Variants in SLC66A2 observed in about 807,000 individuals in gnomAD.
SLC66A2 encodes solute carrier family 66 member 2.
In SLC66A2, 23 loss-of-function variants were observed where a neutral mutation model predicts 25.5. The observed-to-expected ratio is 0.90, with a 90% confidence interval of 0.65 to 1.28. The LOEUF is 1.28. Among genes scored for constraint, SLC66A2 ranks in the 50% most tolerant of loss-of-function variants. The pLI is 0.00. For missense variants in SLC66A2, 396 were observed against 373.1 expected, an observed-to-expected ratio of 1.06 and a Z score of -0.51; for synonymous variants, 193 against 166.5, an observed-to-expected ratio of 1.16 and a Z score of -1.23.
At chr18:79,906,399 T>C (rs926191821) in intron 5 of SLC66A2, among the ~76,000 whole-genome samples, 8 of 152,228 alleles carry the variant, frequency 5.3e-5, no homozygotes, top group African/African-American at 1.7e-4. Context: ...ATTGCTTTAG[T>C]TGCATCCCAC....
chr18:79,950,126 G>C (rs1415649577), intron 2 of SLC66A2, among the ~76,000 whole-genome samples: 1 of 152,092 alleles, frequency 6.6e-6, no homozygotes, highest in East Asian at 1.9e-4. Context: ...AGGGATGCTT[G>C]AGGCCAGGAG....
In SLC66A2 at chr18:79,927,577, C is replaced by A. The variant is rs1986111112; in HGVS notation, c.391+6392G>T. 6.6e-6 allele frequency among the ~76,000 whole-genome samples: 1 copy of A among 152,162 alleles called. No individual in the cohort carries two copies. Among genetic ancestry groups the A allele is most frequent in the Admixed American group, 6.5e-5 (1 of 15,280 alleles). On this transcript the variant is annotated intron_variant, in intron 4 of 5. Transcript: ENST00000397778. The surrounding 1 kb of genome is among the most constrained non-coding windows in gnomAD (Gnocchi z 6.2). Reference sequence around the variant, plus strand: ...CTGCCACCTGTGCAGCAGGCGGCAACAGGGACAGGCAGACGACACAGCTGG... The same window carrying A: ...CTGCCACCTGTGCAGCAGGCGGCAAAAGGGACAGGCAGACGACACAGCTGG...
intron 4 of SLC66A2, among the ~76,000 whole-genome samples, chr18:79,922,767 T>G (rs1325679509): frequency 1.7e-5 from 2 of 117,952 alleles, no homozygotes; most frequent in African/African-American, 6.3e-5. Flanking sequence ...GCTGCAGGGG[T>G]GGGGTGATGG....
At chr18:79,905,237 G>GGTC (rs1981924889) in intron 5 of SLC66A2, among the ~76,000 whole-genome samples, 1 of 152,198 alleles carries the variant, frequency 6.6e-6, no homozygotes, top group South Asian at 2.1e-4. Context: ...TTTCCACTTG[G>GGTC]GTCGGTTTAG....
At position 79,905,000 on chromosome 18, in the gene SLC66A2, G is replaced by T. The variant is rs533907342; in HGVS notation, c.609-817C>A. Among the ~76,000 whole-genome samples the T allele has an allele frequency of 6.6e-6, 1 of 152,202 alleles. No homozygotes were observed. The highest frequency in any genetic ancestry group is 1.5e-5 in the Non-Finnish European group (1 of 68,028). ...TCCGTCCCGCTCATAAGCCAGGGTGGGCACCTGGGTGCCGTAGCCGCCCTG... is the reference window on the plus strand; with the variant it reads ...TCCGTCCCGCTCATAAGCCAGGGTGTGCACCTGGGTGCCGTAGCCGCCCTG... On this transcript the variant is annotated intron_variant, in intron 5 of 5. Coordinates refer to ENST00000397778, the MANE Select transcript of SLC66A2 (RefSeq NM_025078.5). This position sits in a 1 kb window ranked among gnomAD's most constrained non-coding sequence, Gnocchi z 6.3.
chr18:79,922,858 G>T (rs1985422164), intron 4 of SLC66A2, among the ~76,000 whole-genome samples: 1 of 145,362 alleles, frequency 6.9e-6, no homozygotes, highest in Non-Finnish European at 1.5e-5. Context: ...GGTGAGGTTA[G>T]GGGGGCTTGG....
Position 79,903,824 on chromosome 18 carries a change from TGA to T in SLC66A2, c.*150_*151del, listed in dbSNP as rs1296315386. The T allele has an allele frequency of 2.3e-6, 1 of 427,678 alleles. No individual in the cohort carries two copies. Among genetic ancestry groups the T allele is most frequent in the Admixed American group, 3.9e-5 (1 of 25,632 alleles). 26.5% of individuals were successfully genotyped at this position (427,678 alleles called of 1,614,324 possible). On this transcript the variant is annotated 3_prime_UTR_variant, in exon 6 of 6. Transcript: ENST00000397778. The stretch of plus-strand genomic sequence containing the variant: ...CCAGCCCCACCCCCACTGCCCACCC[TGA>T]GACACCCCACAGAGGCTGATGGAGA...
rs550036771 is a variant in SLC66A2, at chr18:79,917,020, A to G, written c.608+2164T>C. Among the ~76,000 whole-genome samples, 2 of 152,352 alleles carry G rather than the reference A, an allele frequency of 1.3e-5. No individual in the cohort carries two copies. The highest frequency in any genetic ancestry group is 2.1e-4 in the South Asian group (1 of 4,832). The stretch of plus-strand genomic sequence containing the variant: ...CTCGGTGCTGGGGAGACGCCTGCAC[A>G]TGGAAGTGTGTGTGCTGCTTGTGGT... On this transcript the variant is annotated intron_variant, in intron 5 of 5. Transcript: ENST00000397778. The surrounding 1 kb of genome is among the most constrained non-coding windows in gnomAD (Gnocchi z 6.0).
intron 3 of SLC66A2, among the ~76,000 whole-genome samples, chr18:79,939,659 G>A (rs926250044): frequency 2.0e-5 from 3 of 152,100 alleles, no homozygotes; most frequent in African/African-American, 7.2e-5. Flanking sequence ...TTAGAGAAAC[G>A]CAAATCAAAA....
chr18:79,903,597 C>G lies in SLC66A2; in HGVS notation c.*379G>C, dbSNP rs1981554409. 1 of 269,356 alleles carries G rather than the reference C, an allele frequency of 3.7e-6. No homozygotes were observed. The highest frequency in any genetic ancestry group is 7.0e-6 in the Non-Finnish European group (1 of 142,400). 16.7% of individuals were successfully genotyped at this position (269,356 alleles called of 1,614,324 possible). On this transcript the variant is annotated 3_prime_UTR_variant, in exon 6 of 6. Transcript: ENST00000397778. Reference sequence around the variant, plus strand: ...CCTTACAGGGTCTCCTGCGGTCACCCCAGCTTCAAGGTTCGCGGCTGCTGG... The same window carrying G: ...CCTTACAGGGTCTCCTGCGGTCACCGCAGCTTCAAGGTTCGCGGCTGCTGG...
intron 4 of SLC66A2, among the ~76,000 whole-genome samples, chr18:79,923,657 A>G (rs1025262709): frequency 6.6e-6 from 1 of 152,336 alleles, no homozygotes; most frequent in South Asian, 2.1e-4. Context: ...ACATGAGGAA[A>G]CACTTCAAGA....
At chr18:79,924,665 T>C (rs1237918575) in intron 4 of SLC66A2, among the ~76,000 whole-genome samples, 2 of 152,246 alleles carry the variant, frequency 1.3e-5, no homozygotes, top group African/African-American at 4.8e-5. Flanking sequence ...TAGAAAATTT[T>C]AATGTATGTG....
At chr18:79,931,331 CAA>C (rs1986544942) in intron 4 of SLC66A2, among the ~76,000 whole-genome samples, 1 of 151,790 alleles carries the variant, frequency 6.6e-6, no homozygotes, top group African/African-American at 2.4e-5. Context: ...ATTTTAAATT[CAA>C]AGACATAAAA....
intron 5 of SLC66A2, among the ~76,000 whole-genome samples, chr18:79,913,755 G>A (rs9965939): frequency 0.021 from 3,160 of 152,238 alleles, 119 homozygotes; most frequent in African/African-American, 0.072. Flanking sequence ...GAGACCTTCG[G>A]TTTAATGTGG....
At chr18:79,922,860 G>C (rs1460351824) in intron 4 of SLC66A2, among the ~76,000 whole-genome samples, 1 of 145,126 alleles carries the variant, frequency 6.9e-6, no homozygotes, top group Non-Finnish European at 1.5e-5. Context: ...TGAGGTTAGG[G>C]GGGCTTGGGG....
rs1457668593 is a variant in SLC66A2 at position 79,951,599 on chromosome 18, G to T, written c.-118C>A. 6.6e-6 allele frequency: 1 copy of T among 151,298 alleles called. No individual in the cohort carries two copies. Among genetic ancestry groups the T allele is most frequent in the South Asian group, 1.8e-4 (1 of 5,550 alleles). 9.4% of individuals were successfully genotyped at this position (151,298 alleles called of 1,614,324 possible). A position where few individuals can be genotyped will look rare whatever the true frequency, so the allele number is the denominator to read the frequency against. The stretch of plus-strand genomic sequence containing the variant: ...TCCTTACCTGCGCCCCCAGCCCCGC[G>T]CCCAGCGCCCCGCGTCCCCGCGCCG... On this transcript the variant is annotated 5_prime_UTR_variant, in exon 1 of 6. Transcript: ENST00000397778.
chr18:79,946,096 T>G (rs963636786), intron 2 of SLC66A2, among the ~76,000 whole-genome samples: 2 of 152,054 alleles, frequency 1.3e-5, no homozygotes, highest in Non-Finnish European at 2.9e-5. Context: ...AGGAGGCGGG[T>G]GAATCAAGGT....
rs564378214 is a variant in SLC66A2, at chr18:79,922,401, C to T, written c.392-3001G>A. On this transcript the variant is annotated intron_variant, in intron 4 of 5. Transcript: ENST00000397778. ...CCTGGGTTAGGGGCGCAGCCCCCCT[C>T]GGGTTAACCACGGTCTCCTGTTCCT... 2.0e-4 allele frequency among the ~76,000 whole-genome samples: 30 copies of T among 152,204 alleles called. No homozygotes were observed. The South Asian group carries it at 3.5e-3, about 18-fold the overall frequency.
intron 2 of SLC66A2, chr18:79,944,111 C>T (rs1987961323): frequency 6.5e-6 from 1 of 153,226 alleles, no homozygotes; most frequent in Non-Finnish European, 1.5e-5. Flanking sequence ...TTGGCGCTCC[C>T]CAGAACCAGT....
Sources: gnomAD v4.1 joint callset for allele counts (sites outside exome capture counted in the v4.1 genomes callset) on GRCh38, gnomAD v4.1.1 for gene constraint, Gnocchi (gnomAD v3.1) non-coding constraint, MANE v1.5 for transcripts, NCBI Gene and HGNC (gene_info 2026-07-23, HGNC 2026-07-21) for gene names.